Variants in CACNA2D4 observed in about 807,000 individuals in gnomAD.
CACNA2D4 encodes calcium voltage-gated channel auxiliary subunit alpha2delta 4, also known as voltage-dependent calcium channel subunit alpha-2/delta-4.
A neutral mutation model predicts 163.8 loss-of-function variants in CACNA2D4; 157 were observed. The ratio of observed to expected loss-of-function variants is 0.96; its 90% CI spans 0.84 to 1.09. CACNA2D4 has a LOEUF of 1.09. Ranked by LOEUF, CACNA2D4 falls within the 50% of genes least tolerant of loss-of-function variation. The pLI is 0.00. For missense variants in CACNA2D4, 1,410 were observed against 1,479.9 expected (o/e 0.95, Z 0.78); for synonymous variants, 598 against 586.9 (o/e 1.02, Z -0.27).
chr12:1,823,511 C>G (rs1370370004), intron 26 of CACNA2D4, among the ~76,000 whole-genome samples: 1 of 152,118 alleles, frequency 6.6e-6, no homozygotes, highest in African/African-American at 2.4e-5. Flanking sequence ...GCCCACTCAG[C>G]TCCGCATGTG....
In CACNA2D4 at chr12:1,798,974, G is replaced by A. The variant is rs543121241; in HGVS notation, c.2995+701C>T. Among the ~76,000 whole-genome samples the A allele has an allele frequency of 3.1e-4, 47 of 152,304 alleles. No individual in the cohort carries two copies. Among genetic ancestry groups the A allele is most frequent in the African/African-American group, 1.1e-3 (47 of 41,580 alleles). ...GCAGAAGAGAACGAAGAGCAAGCCA[G>A]AGAGAGGACCACAGTGGAGATGAAG... On this transcript the variant is annotated intron_variant, in intron 34 of 37. Transcript: ENST00000382722. This position sits in a 1 kb window ranked among gnomAD's most constrained non-coding sequence, Gnocchi z 4.3.
intron 37 of CACNA2D4, chr12:1,794,938 C>G (rs1291623051): frequency 2.3e-6 from 1 of 431,046 alleles, no homozygotes; most frequent in Non-Finnish European, 4.1e-6. Context: ...GGCCCCCAGC[C>G]ACCAGTCATC....
At chr12:1,797,093 C>T (rs573251875) in intron 35 of CACNA2D4, among the ~76,000 whole-genome samples, 11 of 152,350 alleles carry the variant, frequency 7.2e-5, no homozygotes, top group African/African-American at 2.6e-4. Context: ...AGGGCCCACT[C>T]GCCCAGAGAC....
intron 23 of CACNA2D4, among the ~76,000 whole-genome samples, chr12:1,847,949 C>T (rs1222763478): frequency 3.9e-5 from 6 of 152,128 alleles, no homozygotes; most frequent in Non-Finnish European, 8.8e-5. Context: ...AGTCGCCTCG[C>T]GAATTTTTTT....
At chr12:1,800,704 A>C in intron 31 of CACNA2D4, 1 of 594,772 alleles carries the variant, frequency 1.7e-6, no homozygotes, top group Non-Finnish European at 3.0e-6. Flanking sequence ...AGACGAGTCA[A>C]GCCCTCATCC....
intron 26 of CACNA2D4, among the ~76,000 whole-genome samples, chr12:1,836,995 G>T (rs1468422622): frequency 6.6e-6 from 1 of 152,254 alleles, no homozygotes; most frequent in African/African-American, 2.4e-5. Context: ...TGGCCTGGCA[G>T]ATCCAGGATG....
chr12:1,889,106 G>A (rs1463047105), intron 6 of CACNA2D4, among the ~76,000 whole-genome samples: 1 of 152,196 alleles, frequency 6.6e-6, no homozygotes, highest in Non-Finnish European at 1.5e-5. Flanking sequence ...TAGAATTATT[G>A]ATTTAGAATT....
At chr12:1,913,287 C>T in intron 2 of CACNA2D4, 148 bp from the exon 3 acceptor site, 1 of 663,680 alleles carries the variant, frequency 1.5e-6, no homozygotes, top group Non-Finnish European at 2.8e-6. Flanking sequence ...CAGCCCTCTC[C>T]TCCCTGGACA....
rs1047602110 is a variant in CACNA2D4 at position 1,874,407 on chromosome 12, A to T, written c.1878+197T>A. ...CCAAAAGCCAAGCATTGCATGAGCA[A>T]TCCTGTCATTCCCTGGCTAGGTGTT... is the stretch of plus-strand genomic sequence containing the variant. On this transcript the variant is annotated intron_variant, in intron 18 of 37. Transcript: ENST00000382722. This position sits in a 1 kb window ranked among gnomAD's most constrained non-coding sequence, Gnocchi z 4.4. Among the ~76,000 whole-genome samples, 1 of 152,210 alleles carries T rather than the reference A, an allele frequency of 6.6e-6. No individual in the cohort carries two copies. The highest frequency in any genetic ancestry group is 2.1e-4 in the South Asian group (1 of 4,834).
chr12:1,896,993 T>C (rs1866423909), intron 6 of CACNA2D4, among the ~76,000 whole-genome samples: 1 of 152,108 alleles, frequency 6.6e-6, no homozygotes, highest in African/African-American at 2.4e-5. Flanking sequence ...TGCAGCAACA[T>C]GGATGAACTG....
intron 23 of CACNA2D4, among the ~76,000 whole-genome samples, chr12:1,850,749 A>C (rs1262322457): frequency 1.3e-5 from 2 of 152,094 alleles, no homozygotes; most frequent in African/African-American, 2.4e-5. Flanking sequence ...CTAAAAATAC[A>C]AAAAAATACA....
At chr12:1,855,320 G>T (rs1209983136) in intron 22 of CACNA2D4, among the ~76,000 whole-genome samples, 3 of 152,160 alleles carry the variant, frequency 2.0e-5, no homozygotes, top group Admixed American at 1.3e-4. Flanking sequence ...TGTTGGGTTG[G>T]CATGGGAGGC....
At chr12:1,847,814 C>A in intron 23 of CACNA2D4, among the ~76,000 whole-genome samples, 1 of 152,104 alleles carries the variant, frequency 6.6e-6, no homozygotes, top group Non-Finnish European at 1.5e-5. Flanking sequence ...AAGCAAATCC[C>A]AGATATTTCA....
intron 6 of CACNA2D4, among the ~76,000 whole-genome samples, chr12:1,904,601 CA>C (rs1592747169): frequency 5.9e-5 from 9 of 151,800 alleles, no homozygotes; most frequent in Admixed American, 5.9e-4. Context: ...CATCAACAAC[CA>C]AAGTGGGTAG....
At position 1,917,191 on chromosome 12, in the gene CACNA2D4, G is replaced by A. The variant is rs1054206888; in HGVS notation, c.227+1056C>T. Among the ~76,000 whole-genome samples, 2 of 152,142 alleles carry A rather than the reference G, an allele frequency of 1.3e-5. No individual in the cohort carries two copies. Among genetic ancestry groups the A allele is most frequent in the African/African-American group, 4.8e-5 (2 of 41,416 alleles). Reference sequence around the variant, plus strand: ...TGGGGAAGTCACCTGACCTCTCGGGGCCTCTGTTTCCTCAGCTGCAAAATA... The same window carrying A: ...TGGGGAAGTCACCTGACCTCTCGGGACCTCTGTTTCCTCAGCTGCAAAATA... On this transcript the variant is annotated intron_variant, in intron 1 of 37. Coordinates refer to ENST00000382722, the MANE Select transcript of CACNA2D4 (RefSeq NM_172364.5). This position sits in a 1 kb window ranked among gnomAD's most constrained non-coding sequence, Gnocchi z 4.3.
intron 27 of CACNA2D4, 28 bp downstream of exon 27, chr12:1,811,633 GC>G (rs1196644310): frequency 1.9e-6 from 3 of 1,554,362 alleles, no homozygotes; most frequent in Non-Finnish European, 2.6e-6. Context: ...TGAGTCCCCA[GC>G]CCCGACCTGG....
At chr12:1,887,098 T>A in intron 6 of CACNA2D4, 29 bp from the exon 7 acceptor site, 2 of 1,524,734 alleles carry the variant, frequency 1.3e-6, no homozygotes, top group Non-Finnish European at 1.8e-6. Flanking sequence ...GTTCTTTTAC[T>A]AGCTTGGTGA....
rs145410537 is a variant in CACNA2D4, at chr12:1,876,996, G to A, written c.1719+1319C>T. Among the ~76,000 whole-genome samples the A allele has an allele frequency of 5.3e-4, 80 of 152,180 alleles. 1 individual carries two copies. Among genetic ancestry groups the A allele is most frequent in the Admixed American group, 1.5e-3 (23 of 15,290 alleles). On this transcript the variant is annotated intron_variant, in intron 16 of 37. Coordinates refer to ENST00000382722, the MANE Select transcript of CACNA2D4 (RefSeq NM_172364.5). ...CCTCGTTATTTTTTCTTTTTCAAAC[G>A]TAACTATTGTTTTCCTGATAGTGCT... is the stretch of plus-strand genomic sequence containing the variant.
intron 26 of CACNA2D4, chr12:1,831,174 T>C (rs1864609675): frequency 1.2e-6 from 2 of 1,613,886 alleles, no homozygotes. Flanking sequence ...GTCCAACAAC[T>C]TCCTGGACCG....
Sources: allele counts gnomAD v4.1 joint callset (sites outside exome capture counted in the v4.1 genomes callset), GRCh38; gene constraint gnomAD v4.1.1; non-coding constraint Gnocchi (gnomAD v3.1); transcripts MANE v1.5; gene names NCBI Gene and HGNC (gene_info 2026-07-23, HGNC 2026-07-21).